Variants in LRRC8E observed in about 807,000 individuals in gnomAD.
LRRC8E encodes leucine rich repeat containing 8 VRAC subunit E.
LRRC8E carries 6 observed loss-of-function variants against 6.1 expected under a neutral mutation model. The observed-to-expected ratio is 0.98, with a 90% confidence interval of 0.54 to 1.93. The LOEUF (loss-of-function observed/expected upper bound fraction) is 1.93, where lower values mean the gene tolerates loss of function less well. LRRC8E is among the 30% of genes most tolerant of loss of function. The pLI is 0.01. For missense variants in LRRC8E, 1,028 were observed against 1,031.4 expected, an observed-to-expected ratio of 1.00 and a Z score of 0.04; for synonymous variants, 485 against 472.8, an observed-to-expected ratio of 1.03 and a Z score of -0.33.
Position 7,895,709 on chromosome 19 carries a change from C to T in LRRC8E, c.106C>T (p.Leu36Phe), listed in dbSNP as rs1224399188. The T allele has an allele frequency of 1.1e-5, 18 of 1,614,088 alleles. No individual in the cohort carries two copies. Among genetic ancestry groups the T allele is most frequent in the Non-Finnish European group, 1.5e-5 (18 of 1,179,964 alleles). The change falls in exon 2 of 3, where the codon CTC (leucine) becomes TTC (phenylalanine). Residue 36 changes from leucine (L) to phenylalanine (F), a missense_variant. Coordinates refer to ENST00000306708, the MANE Select transcript of LRRC8E (RefSeq NM_025061.6). This position sits in a 1 kb window ranked among gnomAD's most constrained non-coding sequence, Gnocchi z 4.7. The stretch of plus-strand genomic sequence containing the variant: ...GGCCGAGTACCTCACCGTGGCCATG[C>T]TCATGATTGGGGTCTTTGGCTGCAC... The part of the protein sequence containing the change: ...VLAEYLTVAM[L>F]MIGVFGCTLQ...
chr19:7,895,600 C>T lies in LRRC8E; in HGVS notation c.-4C>T, dbSNP rs757956384. 1 of 1,612,132 alleles carries T rather than the reference C, an allele frequency of 6.2e-7. No homozygotes were observed. Among genetic ancestry groups the T allele is most frequent in the African/African-American group, 1.3e-5 (1 of 75,026 alleles). On this transcript the variant is annotated splice_region_variant and 5_prime_UTR_variant, in exon 2 of 3. Coordinates refer to ENST00000306708, the MANE Select transcript of LRRC8E (RefSeq NM_025061.6). The surrounding 1 kb of genome is among the most constrained non-coding windows in gnomAD (Gnocchi z 4.7). ...CCCCCGTCTCGTCCCGTCCCACAGG[C>T]AGCATGATCCCAGTGGCCGAGTTCA...
rs748237960 is a variant in LRRC8E at position 7,900,905 on chromosome 19, G to A, written c.2383G>A (p.Glu795Lys). The A allele has an allele frequency of 1.1e-5, 16 of 1,518,340 alleles. No individual in the cohort carries two copies. In the South Asian group the frequency reaches 1.9e-4, roughly 18 times the overall value. 94.1% of individuals were successfully genotyped at this position (1,518,340 alleles called of 1,614,324 possible). ...GGCAGAAGTGCGGGACAAGATGGAG[G>A]AGGAATGAAGCTGGGGTGGGGCCGT... is the stretch of plus-strand genomic sequence containing the variant. Reference protein sequence around the residue: ...LPAEVRDKMEEE With the variant: ...LPAEVRDKMEKE The change falls in exon 3 of 3, where the codon GAG (glutamate) becomes AAG (lysine). Residue 795 changes from glutamate to lysine, a missense_variant. By Grantham distance (56) the Glu-to-Lys change is moderately conservative (BLOSUM62 1). Transcript: ENST00000306708. The surrounding 1 kb of genome is among the most constrained non-coding windows in gnomAD (Gnocchi z 5.0).
intron 2 of LRRC8E, among the ~76,000 whole-genome samples, chr19:7,897,362 C>G (rs573041648): frequency 1.3e-5 from 2 of 151,658 alleles, no homozygotes; most frequent in Non-Finnish European, 2.9e-5. Flanking sequence ...TTAGTAGAGA[C>G]GTGGTTTCAG....
Position 7,900,075 on chromosome 19 carries a change from T to TC in LRRC8E, c.1558dup (p.Gln520ProfsTer92), listed in dbSNP as rs780986899. Reference sequence around the variant, plus strand: ...GAGGAGCTGCACCTGGAGGGGCTTTTCCCCCAGGAGCTAGCTCGGGCAGCC... The same window carrying TC: ...GAGGAGCTGCACCTGGAGGGGCTTTTCCCCCCAGGAGCTAGCTCGGGCAGCC... On this transcript the variant is annotated frameshift_variant, in exon 3 of 3. Transcript: ENST00000306708. LOFTEE classifies it low-confidence loss of function (END_TRUNC). This position sits in a 1 kb window ranked among gnomAD's most constrained non-coding sequence, Gnocchi z 5.0. The TC allele has an allele frequency of 2.5e-6, 4 of 1,611,996 alleles. No individual in the cohort carries two copies. The highest frequency in any genetic ancestry group is 3.4e-6 in the Non-Finnish European group (4 of 1,179,776).
Position 7,895,954 on chromosome 19 carries a change from T to G in LRRC8E, c.138+213T>G, listed in dbSNP as rs1190000336. Among the ~76,000 whole-genome samples the G allele has an allele frequency of 6.6e-6, 1 of 152,148 alleles. No individual in the cohort carries two copies. Among genetic ancestry groups the G allele is most frequent in the Non-Finnish European group, 1.5e-5 (1 of 68,034 alleles). ...GCCATTCCATATCTTTTTTTCTTTT[T>G]TGAGACGGAGTCTCACTCTGTCACC... On this transcript the variant is annotated intron_variant, in intron 2 of 2. Transcript: ENST00000306708. This position sits in a 1 kb window ranked among gnomAD's most constrained non-coding sequence, Gnocchi z 4.7.
chr19:7,890,731 GT>G (rs911919390), intron 1 of LRRC8E, among the ~76,000 whole-genome samples: 2 of 151,644 alleles, frequency 1.3e-5, no homozygotes, highest in African/African-American at 2.4e-5. Context: ...GGAGCTTGCA[GT>G]GAGCCGAGAT....
intron 2 of LRRC8E, among the ~76,000 whole-genome samples, chr19:7,896,696 T>C (rs794462): frequency 0.39 from 58,577 of 151,980 alleles, 11,515 homozygotes; most frequent in East Asian, 0.56. Flanking sequence ...TGGACTCAAG[T>C]GATCTTCCCG....
chr19:7,900,735 C>T lies in LRRC8E; in HGVS notation c.2213C>T (p.Ser738Leu), dbSNP rs373047894. The T allele has an allele frequency of 3.7e-5, 59 of 1,612,934 alleles. No homozygotes were observed. In the African/African-American group the frequency reaches 7.1e-4, roughly 19 times the overall value. The change falls in exon 3 of 3, where the codon TCG (serine) becomes TTG (leucine). Residue 738 changes from serine (S) to leucine (L), a missense_variant. Transcript: ENST00000306708. The surrounding 1 kb of genome is among the most constrained non-coding windows in gnomAD (Gnocchi z 5.0). Reference sequence around the variant, plus strand: ...GGCGACAACCAGCTGAGCCAGCTCTCGCCCCACGTGGGTGCCCTCAGAGCC... The same window carrying T: ...GGCGACAACCAGCTGAGCCAGCTCTTGCCCCACGTGGGTGCCCTCAGAGCC... ...LLGDNQLSQLSPHVGALRALS... is the reference protein window; with the variant it reads ...LLGDNQLSQLLPHVGALRALS...
At chr19:7,890,126 T>A (rs1299114710) in intron 1 of LRRC8E, among the ~76,000 whole-genome samples, 2 of 152,086 alleles carry the variant, frequency 1.3e-5, no homozygotes, top group African/African-American at 4.8e-5. Context: ...GCTGGATGTT[T>A]CTTGCTTCTT....
intron 2 of LRRC8E, among the ~76,000 whole-genome samples, chr19:7,897,719 A>G (rs1319134667): frequency 1.3e-5 from 2 of 150,294 alleles, no homozygotes; most frequent in Non-Finnish European, 3.0e-5. Context: ...CTCTGTGTCT[A>G]TGTTTCCCCT....
At position 7,895,545 on chromosome 19, in the gene LRRC8E, G is replaced by A; in HGVS notation, c.-5-54G>A. On this transcript the variant is annotated intron_variant, in intron 1 of 2. Transcript: ENST00000306708. The surrounding 1 kb of genome is among the most constrained non-coding windows in gnomAD (Gnocchi z 4.7). ...GGCTCCTCGGAGGACCCCCTGCAGAGCCTCCCATCCTGAGGGTCTCTCTCT... is the reference window on the plus strand; with the variant it reads ...GGCTCCTCGGAGGACCCCCTGCAGAACCTCCCATCCTGAGGGTCTCTCTCT... The A allele has an allele frequency of 2.3e-5, 37 of 1,585,918 alleles. No individual in the cohort carries two copies. The highest frequency in any genetic ancestry group is 3.0e-5 in the Non-Finnish European group (35 of 1,158,102).
chr19:7,888,737 C>T (rs1269964118), intron 1 of LRRC8E, 137 bp downstream of exon 1: 1 of 152,240 alleles, frequency 6.6e-6, no homozygotes, highest in Non-Finnish European at 1.5e-5. Context: ...GCCGTCCCGA[C>T]ACACCAGGAG....
chr19:7,899,370 T>G lies in LRRC8E; in HGVS notation c.848T>G (p.Leu283Arg). ...GTCTATGTGGAGAAGATCAGTTTCC[T>G]GGTGGCCTGTAGGGTGGAGACGTCA... ...NLVYVEKISF[L>R]VACRVETSEV... Residue 283 changes from leucine (L) to arginine (R), a missense_variant, in exon 3 of 3, where the codon CTG becomes CGG. Transcript: ENST00000306708. 6.2e-7 allele frequency: 1 copy of G among 1,614,224 alleles called. No individual in the cohort carries two copies. The highest frequency in any genetic ancestry group is 8.5e-7 in the Non-Finnish European group (1 of 1,180,042).
rs1338251535 is a variant in LRRC8E at position 7,895,469 on chromosome 19, T to C, written c.-5-130T>C. On this transcript the variant is annotated intron_variant, in intron 1 of 2. Transcript: ENST00000306708. This position sits in a 1 kb window ranked among gnomAD's most constrained non-coding sequence, Gnocchi z 4.7. Reference sequence around the variant, plus strand: ...AAGAGGGAAGTGGGGGCACACACTTTGGTGGTTTGGACAAGTTTGGGCAGG... The same window carrying C: ...AAGAGGGAAGTGGGGGCACACACTTCGGTGGTTTGGACAAGTTTGGGCAGG... 2 of 1,129,318 alleles carry C rather than the reference T, an allele frequency of 1.8e-6. No homozygotes were observed. 70.0% of individuals were successfully genotyped at this position (1,129,318 alleles called of 1,614,324 possible). A position where few individuals can be genotyped will look rare whatever the true frequency, so the allele number is the denominator to read the frequency against.
At position 7,901,024 on chromosome 19, in the gene LRRC8E, G is replaced by GC. The variant is rs1981985789; in HGVS notation, c.*111_*112insC. The GC allele has an allele frequency of 1.4e-6, 1 of 697,038 alleles. No homozygotes were observed. Among genetic ancestry groups the GC allele is most frequent in the Non-Finnish European group, 2.2e-6 (1 of 448,608 alleles). The allele number at this position is 697,038 out of a possible 1,614,324, so 43.2% of individuals were successfully genotyped here. On this transcript the variant is annotated 3_prime_UTR_variant, in exon 3 of 3. Coordinates refer to ENST00000306708, the MANE Select transcript of LRRC8E (RefSeq NM_025061.6). ...AGTGGGTCCAGGCCAGGAGATGGGGGGGGCGGGGGCAGCTGTGTCATCTTT... is the reference window on the plus strand; with the variant it reads ...AGTGGGTCCAGGCCAGGAGATGGGGGCGGGCGGGGGCAGCTGTGTCATCTTT...
In LRRC8E at chr19:7,895,414, G is replaced by A. The variant is rs748986754; in HGVS notation, c.-5-185G>A. The A allele has an allele frequency of 1.4e-5, 9 of 662,906 alleles. No homozygotes were observed. The highest frequency in any genetic ancestry group is 2.8e-5 in the East Asian group (1 of 35,844). 41.1% of individuals were successfully genotyped at this position (662,906 alleles called of 1,614,324 possible). ...CGCTTGGTTCTGGGCAGGTGGTGAC[G>A]TCTGCATGGAGGGTGACTAAGGCCA... On this transcript the variant is annotated intron_variant, in intron 1 of 2. Transcript: ENST00000306708. This position sits in a 1 kb window ranked among gnomAD's most constrained non-coding sequence, Gnocchi z 4.7.
rs1035358706 is a variant in LRRC8E at position 7,895,327 on chromosome 19, T to C, written c.-5-272T>C. 1 of 434,510 alleles carries C rather than the reference T, an allele frequency of 2.3e-6. No individual in the cohort carries two copies. The highest frequency in any genetic ancestry group is 3.1e-5 in the South Asian group (1 of 32,774). The allele number at this position is 434,510 out of a possible 1,614,324, so 26.9% of individuals were successfully genotyped here. ...CGGCGGCCCTGTGGACTATCCCTCA[T>C]GTGCTCTTCGAGGTCAGACAAGTCA... On this transcript the variant is annotated intron_variant, in intron 1 of 2. Coordinates refer to ENST00000306708, the MANE Select transcript of LRRC8E (RefSeq NM_025061.6). The surrounding 1 kb of genome is among the most constrained non-coding windows in gnomAD (Gnocchi z 4.7).
chr19:7,891,331 TTA>T (rs1466187905), intron 1 of LRRC8E, among the ~76,000 whole-genome samples: 1 of 152,110 alleles, frequency 6.6e-6, no homozygotes, highest in Non-Finnish European at 1.5e-5. Flanking sequence ...GGGGCCTATT[TTA>T]TGTCTGTGGA....
chr19:7,892,137 A>G (rs1981348323), intron 1 of LRRC8E, among the ~76,000 whole-genome samples: 1 of 151,352 alleles, frequency 6.6e-6, no homozygotes, highest in African/African-American at 2.4e-5. Flanking sequence ...CAGTTGTGCA[A>G]TCTTGGCTCA....
Sources: allele counts gnomAD v4.1 joint callset (sites outside exome capture counted in the v4.1 genomes callset), GRCh38; gene constraint gnomAD v4.1.1; non-coding constraint Gnocchi (gnomAD v3.1); transcripts MANE v1.5; gene names NCBI Gene and HGNC (gene_info 2026-07-23, HGNC 2026-07-21).